Variants in CD48 observed in about 807,000 individuals in gnomAD.
The protein encoded by CD48 is CD48 antigen.
CD48 carries 20 observed loss-of-function variants against 22.0 expected under a neutral mutation model. That is an observed-to-expected ratio of 0.91 (90% CI 0.64 to 1.32). The LOEUF is 1.32. Ranked by LOEUF, CD48 falls within the 40% of genes most tolerant of loss-of-function variation. The pLI is 0.00. For missense variants in CD48, 307 were observed against 286.5 expected (o/e 1.07, Z -0.52); for synonymous variants, 110 against 110.1 (o/e 1.00, Z 0.01).
chr1:160,690,807 C>G (rs921942084), intron 1 of CD48, among the ~76,000 whole-genome samples: 1 of 152,130 alleles, frequency 6.6e-6, no homozygotes, highest in South Asian at 2.1e-4. Flanking sequence ...CAAGAGAGGT[C>G]AGATTGTTAC....
intron 3 of CD48, 47 bp from the exon 4 acceptor site, chr1:160,679,178 C>T (rs766441825): frequency 8.1e-6 from 12 of 1,487,658 alleles, no homozygotes; most frequent in Non-Finnish European, 1.1e-5. Context: ...TTTATCTTGA[C>T]TAATGTATTG....
At chr1:160,693,227 A>G (rs1172287158) in intron 1 of CD48, among the ~76,000 whole-genome samples, 1 of 152,280 alleles carries the variant, frequency 6.6e-6, no homozygotes, top group Non-Finnish European at 1.5e-5. Context: ...ACAAGGTTCA[A>G]AAGAGCCCTA....
chr1:160,711,012 C>T (rs1662930052), intron 1 of CD48, among the ~76,000 whole-genome samples: 1 of 152,172 alleles, frequency 6.6e-6, no homozygotes, highest in South Asian at 2.1e-4. Context: ...GAGGGTGAGG[C>T]AGCTCTAACA....
intron 2 of CD48, chr1:160,684,360 G>A (rs1291802779): frequency 5.8e-6 from 1 of 172,118 alleles, no homozygotes; most frequent in Admixed American, 5.9e-5. Flanking sequence ...CAACTGACCA[G>A]TTTTGAACCC....
rs914513806 is a variant in CD48, at chr1:160,690,702, G to A, written c.83-5513C>T. On this transcript the variant is annotated intron_variant, in intron 1 of 3. Transcript: ENST00000368046. ...CTGTTGTAACCTTGAAAATAAAGAA[G>A]CCAATTCAGAATTATCAATATGTTT... Among the ~76,000 whole-genome samples the A allele has an allele frequency of 5.9e-5, 9 of 152,242 alleles. 1 individual carries two copies. The highest frequency in any genetic ancestry group is 2.2e-4 in the African/African-American group (9 of 41,540).
At chr1:160,679,233 C>T in intron 3 of CD48, 102 bp from the exon 4 acceptor site, 1 of 861,166 alleles carries the variant, frequency 1.2e-6, no homozygotes, top group Non-Finnish European at 1.9e-6. Flanking sequence ...GCTCACAGAG[C>T]AGGGAAATTA....
intron 1 of CD48, chr1:160,691,929 CT>C (rs886344299): frequency 5.2e-5 from 12 of 230,814 alleles, no homozygotes; most frequent in African/African-American, 2.8e-4. Flanking sequence ...GTAAATATGC[CT>C]CTTATCTTAG....
intron 1 of CD48, among the ~76,000 whole-genome samples, chr1:160,686,107 C>T (rs1661991195): frequency 6.6e-6 from 1 of 151,944 alleles, no homozygotes; most frequent in Admixed American, 6.5e-5. Flanking sequence ...TTCTTTATAG[C>T]TATTTTTTTT....
intron 1 of CD48, among the ~76,000 whole-genome samples, chr1:160,700,605 T>G (rs992207340): frequency 3.9e-5 from 6 of 152,168 alleles, no homozygotes; most frequent in African/African-American, 1.2e-4. Context: ...GGATTCTTTC[T>G]TCTACAAATT....
At position 160,688,716 on chromosome 1, in the gene CD48, G is replaced by A. The variant is rs546804842; in HGVS notation, c.83-3527C>T. 4.6e-5 allele frequency among the ~76,000 whole-genome samples: 7 copies of A among 152,248 alleles called. No individual in the cohort carries two copies. In the East Asian group the frequency reaches 1.4e-3, roughly 29 times the overall value. On this transcript the variant is annotated intron_variant, in intron 1 of 3. Coordinates refer to ENST00000368046, the MANE Select transcript of CD48 (RefSeq NM_001778.4). ...TTCTGGGTGTTCTGGGCTCAGAATGGGGAGTATCATACGAGGCTTGGGGGG... is the reference window on the plus strand; with the variant it reads ...TTCTGGGTGTTCTGGGCTCAGAATGAGGAGTATCATACGAGGCTTGGGGGG...
intron 2 of CD48, among the ~76,000 whole-genome samples, chr1:160,681,843 G>A (rs1423872646): frequency 1.3e-5 from 2 of 152,200 alleles, no homozygotes; most frequent in Admixed American, 1.3e-4. Flanking sequence ...TCTAGCAACG[G>A]TTCATGGCGG....
chr1:160,690,612 C>A (rs1197041264), intron 1 of CD48, among the ~76,000 whole-genome samples: 2 of 152,070 alleles, frequency 1.3e-5, no homozygotes, highest in Non-Finnish European at 2.9e-5. Flanking sequence ...AGACATGGGT[C>A]CTGGTAAAGT....
chr1:160,702,059 A>G (rs1357318142), intron 1 of CD48, among the ~76,000 whole-genome samples: 2 of 152,168 alleles, frequency 1.3e-5, no homozygotes, highest in African/African-American at 4.8e-5. Context: ...CACCAGACGC[A>G]ATGGAAATAG....
At chr1:160,705,130 TA>T (rs1662752230) in intron 1 of CD48, among the ~76,000 whole-genome samples, 1 of 152,186 alleles carries the variant, frequency 6.6e-6, no homozygotes, top group Non-Finnish European at 1.5e-5. Flanking sequence ...TCTCAACCAC[TA>T]AAAGATAAAA....
chr1:160,705,554 C>G (rs352677), intron 1 of CD48, among the ~76,000 whole-genome samples: 85,807 of 152,052 alleles, frequency 0.56, 24,489 homozygotes, highest in East Asian at 0.75. Flanking sequence ...CCACAACATG[C>G]CTGGCGCTGT....
intron 2 of CD48, 87 bp from the exon 3 acceptor site, chr1:160,681,555 G>A (rs1441204263): frequency 5.3e-6 from 8 of 1,506,940 alleles, no homozygotes; most frequent in African/African-American, 2.8e-5. Context: ...GGGATCCAGG[G>A]AAGGGGCCTG....
chr1:160,688,265 C>T (rs981784783), intron 1 of CD48, among the ~76,000 whole-genome samples: 37 of 152,094 alleles, frequency 2.4e-4, no homozygotes, highest in African/African-American at 1.4e-4. Flanking sequence ...GTGATAACAG[C>T]GATTAAAGTG....
At chr1:160,688,728 C>T (rs7527943) in intron 1 of CD48, among the ~76,000 whole-genome samples, 4,269 of 152,170 alleles carry the variant, frequency 0.028, 87 homozygotes, top group Middle Eastern at 0.037. Flanking sequence ...GAGTATCATA[C>T]GAGGCTTGGG....
chr1:160,684,809 A>G, intron 2 of CD48, 78 bp downstream of exon 2: 1 of 1,613,790 alleles, frequency 6.2e-7, no homozygotes, highest in Non-Finnish European at 8.5e-7. Flanking sequence ...AGAGTGCCCC[A>G]TGCCTCCCAG....
Sources: gnomAD v4.1 joint callset for allele counts (sites outside exome capture counted in the v4.1 genomes callset) on GRCh38, gnomAD v4.1.1 for gene constraint, MANE v1.5 for transcripts, NCBI Gene and HGNC (gene_info 2026-07-23, HGNC 2026-07-21) for gene names.